The following NDUFS1 variants were observed in gnomAD, a reference collection of about 807,000 sequenced individuals.
The protein encoded by NDUFS1 is NADH-ubiquinone oxidoreductase 75 kDa subunit, mitochondrial.
A neutral mutation model predicts 84.4 loss-of-function variants in NDUFS1; 61 were observed. The observed-to-expected ratio is 0.72, with a 90% confidence interval of 0.59 to 0.89. The LOEUF is 0.89. Among genes scored for constraint, NDUFS1 ranks in the 40% least tolerant of loss-of-function variants. NDUFS1 has a pLI of 0.00. For synonymous variants in NDUFS1, 275 were observed against 290.0 expected (o/e 0.95, Z 0.53); for missense variants, 891 against 890.0 (o/e 1.00, Z -0.01).
chr2:206,131,613 C>T (rs1054881106), intron 14 of NDUFS1, among the ~76,000 whole-genome samples: 2 of 151,910 alleles, frequency 1.3e-5, no homozygotes, highest in Admixed American at 6.6e-5. Flanking sequence ...ACCAGCCTGG[C>T]GAACATGGTG....
In NDUFS1 at chr2:206,124,026, T is replaced by C. The variant is rs944137020; in HGVS notation, c.*159A>G. 16 of 616,514 alleles carry C rather than the reference T, an allele frequency of 2.6e-5. No homozygotes were observed. The highest frequency in any genetic ancestry group is 4.0e-5 in the Non-Finnish European group (14 of 350,968). The allele number at this position is 616,514 out of a possible 1,614,324, so 38.2% of individuals were successfully genotyped here. On this transcript the variant is annotated 3_prime_UTR_variant, in exon 19 of 19. Transcript: ENST00000233190. ...CATGTTTTTCAAACTGCAAAGTTGA[T>C]AACTAATATCATTTTCAAATAGGCA... is the stretch of plus-strand genomic sequence containing the variant.
intron 12 of NDUFS1, among the ~76,000 whole-genome samples, chr2:206,139,342 C>T (rs888811272): frequency 1.3e-5 from 2 of 151,846 alleles, no homozygotes; most frequent in East Asian, 2.0e-4. Flanking sequence ...CCTGCCTCTA[C>T]GCCCAGCTAA....
Position 206,123,520 on chromosome 2 carries a change from A to T in NDUFS1, c.*665T>A, listed in dbSNP as rs1691166026. ...AACAACAGGCTTTGGAGTAAATAAGAAGTAGGTTTGAGTTGGTGACTTTTG... is the reference window on the plus strand; with the variant it reads ...AACAACAGGCTTTGGAGTAAATAAGTAGTAGGTTTGAGTTGGTGACTTTTG... On this transcript the variant is annotated 3_prime_UTR_variant, in exon 19 of 19. Transcript: ENST00000233190. 1 of 152,176 alleles carries T rather than the reference A, an allele frequency of 6.6e-6. No homozygotes were observed. 9.4% of individuals were successfully genotyped at this position (152,176 alleles called of 1,614,324 possible).
chr2:206,127,396 T>C (rs1023067009), intron 16 of NDUFS1, among the ~76,000 whole-genome samples: 1 of 152,090 alleles, frequency 6.6e-6, no homozygotes, highest in Admixed American at 6.6e-5. Context: ...TTAGCCAGGC[T>C]TGGTGGTACA....
chr2:206,152,152 C>T (rs535612618), intron 3 of NDUFS1, among the ~76,000 whole-genome samples: 9 of 152,182 alleles, frequency 5.9e-5, no homozygotes, highest in Middle Eastern at 3.4e-3. Flanking sequence ...TGAGCCACTG[C>T]GCTCGGACTT....
chr2:206,142,363 C>T (rs920960932), intron 11 of NDUFS1, among the ~76,000 whole-genome samples: 7 of 152,182 alleles, frequency 4.6e-5, no homozygotes, highest in Admixed American at 1.3e-4. Flanking sequence ...CAGGCGCACA[C>T]CACCACGTCT....
chr2:206,134,291 G>T (rs929462354), intron 13 of NDUFS1, among the ~76,000 whole-genome samples: 9 of 152,128 alleles, frequency 5.9e-5, no homozygotes, highest in African/African-American at 2.2e-4. Flanking sequence ...TTGAATTCAG[G>T]ATAGAACTGG....
Position 206,132,929 on chromosome 2 carries a change from C to G in NDUFS1, c.1553+16G>C, listed in dbSNP as rs1296965075. On this transcript the variant is annotated intron_variant, in intron 14 of 18. Coordinates refer to ENST00000233190, the MANE Select transcript of NDUFS1 (RefSeq NM_005006.7). ...TTACTTGAATTTATAGTATATAAAGCAATTACTCAACAAACCTATGAAGGA... is the reference window on the plus strand; with the variant it reads ...TTACTTGAATTTATAGTATATAAAGGAATTACTCAACAAACCTATGAAGGA... 2.5e-6 allele frequency: 4 copies of G among 1,603,722 alleles called. No homozygotes were observed. The highest frequency in any genetic ancestry group is 3.4e-6 in the Non-Finnish European group (4 of 1,171,000).
chr2:206,147,162 G>C, intron 7 of NDUFS1, 74 bp from the exon 8 acceptor site: 3 of 1,436,868 alleles, frequency 2.1e-6, no homozygotes, highest in Non-Finnish European at 2.9e-6. Context: ...TGATCACAAA[G>C]AGATGATTTT....
chr2:206,158,751 C>T (rs751968381), intron 1 of NDUFS1, among the ~76,000 whole-genome samples: 1 of 152,220 alleles, frequency 6.6e-6, no homozygotes, highest in Non-Finnish European at 1.5e-5. Flanking sequence ...ATCCCAATAA[C>T]CTGTAAACAA....
intron 1 of NDUFS1, 94 bp from the exon 2 acceptor site, chr2:206,153,776 A>C: frequency 1.4e-6 from 1 of 708,520 alleles, no homozygotes. Context: ...TTTCACATAC[A>C]TTATGTCATT....
In NDUFS1 at chr2:206,119,646, C is replaced by T. The variant is rs1161196905; in HGVS notation, c.*4539G>A. 6.6e-6 allele frequency: 1 copy of T among 152,100 alleles called. No individual in the cohort carries two copies. Among genetic ancestry groups the T allele is most frequent in the Non-Finnish European group, 1.5e-5 (1 of 68,054 alleles). 9.4% of individuals were successfully genotyped at this position (152,100 alleles called of 1,614,324 possible). ...CAGGCTGGTCTCGAAAACTCCTGAC[C>T]TCAGGTGATCCGCCTGCCTCGGCCT... On this transcript the variant is annotated 3_prime_UTR_variant, in exon 19 of 19. Transcript: ENST00000233190.
rs151123273 is a variant in NDUFS1, at chr2:206,138,947, T to C, written c.1263-333A>G. 0.062 allele frequency among the ~76,000 whole-genome samples: 9,379 copies of C among 151,960 alleles called. 374 individuals carry two copies. The highest frequency in any genetic ancestry group is 0.17 in the East Asian group (882 of 5,070). On this transcript the variant is annotated intron_variant, in intron 12 of 18. Transcript: ENST00000233190. ...GCCTGACCAACATGGTGAAACCCCA[T>C]CTCTTCTAAAAATACAGTATTAGCT...
chr2:206,145,638 C>A, intron 8 of NDUFS1, among the ~76,000 whole-genome samples: 1 of 152,140 alleles, frequency 6.6e-6, no homozygotes, highest in East Asian at 1.9e-4. Flanking sequence ...CAAAACCCAC[C>A]ATTTCAGCAG....
intron 1 of NDUFS1, among the ~76,000 whole-genome samples, chr2:206,154,494 CA>C (rs1163788761): frequency 6.6e-6 from 1 of 152,212 alleles, no homozygotes; most frequent in Non-Finnish European, 1.5e-5. Flanking sequence ...AAAGTGTCAA[CA>C]GTGCTGAAGT....
chr2:206,149,925 C>G lies in NDUFS1; in HGVS notation c.154G>C (p.Ala52Pro). Residue 52 changes from alanine to proline, a missense_variant and splice_region_variant, in exon 4 of 19, where the codon GCT becomes CCT. By Grantham distance (27) the Ala-to-Pro change is conservative (BLOSUM62 -1). Coordinates refer to ENST00000233190, the MANE Select transcript of NDUFS1 (RefSeq NM_005006.7). The part of the protein sequence containing the change: ...MVEPGTTVLQ[A>P]CEKVGMQIPR... Reference sequence around the variant, plus strand: ...ATCTGCATGCCAACCTTCTCACAAGCCTAGAAGTAAAAAAAAAAAAAAAAA... The same window carrying G: ...ATCTGCATGCCAACCTTCTCACAAGGCTAGAAGTAAAAAAAAAAAAAAAAA... 1 of 1,037,778 alleles carries G rather than the reference C, an allele frequency of 9.6e-7. No individual in the cohort carries two copies. The highest frequency in any genetic ancestry group is 2.6e-5 in the East Asian group (1 of 38,818). 64.3% of individuals were successfully genotyped at this position (1,037,778 alleles called of 1,614,324 possible).
At chr2:206,152,024 C>T (rs867875838) in intron 3 of NDUFS1, among the ~76,000 whole-genome samples, 6 of 152,164 alleles carry the variant, frequency 3.9e-5, no homozygotes, top group South Asian at 2.1e-4. Context: ...CGCCACGATG[C>T]GCAGCTAATT....
Position 206,150,023 on chromosome 2 carries a change from TTCTATCTA to T in NDUFS1, c.154-106_154-99del, listed in dbSNP as rs3217140. On this transcript the variant is annotated intron_variant, in intron 3 of 18. Coordinates refer to ENST00000233190, the MANE Select transcript of NDUFS1 (RefSeq NM_005006.7). Reference sequence around the variant, plus strand: ...ACACACACATACAGCATCTTATTACTTCTATCTATCTATCTATCTATCTATCTATCTTA... The same window carrying T: ...ACACACACATACAGCATCTTATTACTTCTATCTATCTATCTATCTATCTTA... 3.8e-4 allele frequency: 261 copies of T among 691,760 alleles called. 1 individual carries two copies. Among genetic ancestry groups the T allele is most frequent in the South Asian group, 8.8e-4 (54 of 61,538 alleles). 42.9% of individuals were successfully genotyped at this position (691,760 alleles called of 1,614,324 possible).
intron 14 of NDUFS1, among the ~76,000 whole-genome samples, chr2:206,131,709 G>A (rs1270555495): frequency 6.6e-6 from 1 of 151,850 alleles, no homozygotes; most frequent in Non-Finnish European, 1.5e-5. Context: ...AGGCTGAGGT[G>A]GGCAGATCGC....
Sources: allele counts gnomAD v4.1 joint callset (sites outside exome capture counted in the v4.1 genomes callset), GRCh38; gene constraint gnomAD v4.1.1; transcripts MANE v1.5; gene names NCBI Gene and HGNC (gene_info 2026-07-23, HGNC 2026-07-21).